UBE3B: variants seen among roughly 807,000 people sequenced by gnomAD.
UBE3B encodes ubiquitin-protein ligase E3B.
Under a neutral mutation model 132.3 loss-of-function variants are expected in UBE3B, and 80 were observed. The observed-to-expected ratio is 0.60, with a 90% CI of 0.50 to 0.73. The LOEUF (loss-of-function observed/expected upper bound fraction) is 0.73. Ranked by LOEUF, UBE3B falls within the 30% of genes least tolerant of loss-of-function variation. UBE3B has a pLI of 0.00. For synonymous variants in UBE3B, 487 were observed against 520.4 expected (o/e 0.94, Z 0.87); for missense variants, 1,196 against 1,362.5 (o/e 0.88, Z 1.92).
rs778589223 is a variant in UBE3B at position 109,534,688 on chromosome 12, A to G, written c.3113A>G (p.Asn1038Ser). The G allele has an allele frequency of 7.5e-6, 12 of 1,609,962 alleles. No individual in the cohort carries two copies. Among genetic ancestry groups the G allele is most frequent in the Middle Eastern group, 1.7e-4 (1 of 6,054 alleles). ...GRLPTSSTCF[N>S]LLKLPNYSKK... ...CTGCCCACCTCCTCCACCTGCTTCA[A>G]CCTGCTCAAGCTGCCCAACTACAGC... is the stretch of plus-strand genomic sequence containing the variant. Residue 1038 changes from asparagine (N) to serine (S), a missense_variant, in exon 28 of 28, where the codon AAC becomes AGC. Coordinates refer to ENST00000342494, the MANE Select transcript of UBE3B (RefSeq NM_130466.4). This position sits in a 1 kb window ranked among gnomAD's most constrained non-coding sequence, Gnocchi z 5.2.
chr12:109,503,312 T>C, intron 14 of UBE3B, 122 bp downstream of exon 14: 1 of 1,304,508 alleles, frequency 7.7e-7, no homozygotes, highest in Non-Finnish European at 1.0e-6. Flanking sequence ...GGAGGGCATT[T>C]TTGAGCTGTT....
At chr12:109,512,611 T>C (rs1812229610) in intron 18 of UBE3B, among the ~76,000 whole-genome samples, 2 of 152,214 alleles carry the variant, frequency 1.3e-5, no homozygotes, top group Non-Finnish European at 2.9e-5. Context: ...AGACATATTT[T>C]TAGAAAAGAG....
chr12:109,509,095 A>G (rs1390333132), intron 15 of UBE3B: 3 of 152,224 alleles, frequency 2.0e-5, no homozygotes, highest in Admixed American at 2.0e-4. Context: ...TTTCAAATTA[A>G]TAGAAAGTAG....
chr12:109,509,506 C>T (rs1250554419), intron 15 of UBE3B, 90 bp from the exon 16 acceptor site: 4 of 740,066 alleles, frequency 5.4e-6, no homozygotes, highest in Non-Finnish European at 9.0e-6. Flanking sequence ...TATTTCTCAA[C>T]CTCGTTTATT....
chr12:109,490,636 A>C, intron 8 of UBE3B: 1 of 1,527,944 alleles, frequency 6.5e-7, no homozygotes, highest in Non-Finnish European at 8.7e-7. Flanking sequence ...GGCTTCTAAA[A>C]TAATATGATG....
In UBE3B at chr12:109,533,483, C is replaced by T. The variant is rs1883159641; in HGVS notation, c.2940C>T (p.Ser980=). 2.5e-6 allele frequency: 4 copies of T among 1,614,066 alleles called. No homozygotes were observed. Among genetic ancestry groups the T allele is most frequent in the Non-Finnish European group, 3.4e-6 (4 of 1,180,038 alleles). The part of the protein sequence containing the change: ...AMFLKFVTSC[S]RPPLLGFAYL... ...TGTTGCAGTTCGTGACCAGCTGCTCCAGACCCCCGCTCCTGGGATTCGCCT... is the reference window on the plus strand; with the variant it reads ...TGTTGCAGTTCGTGACCAGCTGCTCTAGACCCCCGCTCCTGGGATTCGCCT... Residue 980 remains serine (S), a synonymous_variant, in exon 27 of 28, where the codon TCC becomes TCT. Coordinates refer to ENST00000342494, the MANE Select transcript of UBE3B (RefSeq NM_130466.4).
intron 5 of UBE3B, 95 bp downstream of exon 5, chr12:109,486,166 A>G (rs754612044): frequency 3.9e-6 from 5 of 1,284,632 alleles, no homozygotes; most frequent in Non-Finnish European, 5.4e-6. Context: ...ACCAATTCAC[A>G]CACAAATGCA....
chr12:109,541,799 C>T, the UBE3B span, among the ~76,000 whole-genome samples: 2 of 152,198 alleles, frequency 1.3e-5, no homozygotes, highest in South Asian at 2.1e-4. Context: ...GTGGCCCCTG[C>T]GTGCTTGGCT....
intron 23 of UBE3B, among the ~76,000 whole-genome samples, chr12:109,525,521 C>G (rs982791757): frequency 2.0e-5 from 3 of 152,200 alleles, no homozygotes; most frequent in African/African-American, 7.2e-5. Flanking sequence ...GGACTGGGAT[C>G]AGTGTGTTCC....
rs1877142690 is a variant in UBE3B, at chr12:109,489,910, T to C, written c.545-9T>C. On this transcript the variant is annotated splice_polypyrimidine_tract_variant and intron_variant, in intron 7 of 27. Transcript: ENST00000342494. ...AGACTTTTTTGTTCTCACTGTTTTCTTTCTTTAGGTGAAAGTCTTCGACCA... is the reference window on the plus strand; with the variant it reads ...AGACTTTTTTGTTCTCACTGTTTTCCTTCTTTAGGTGAAAGTCTTCGACCA... The C allele has an allele frequency of 1.2e-6, 2 of 1,613,920 alleles. No individual in the cohort carries two copies. Among genetic ancestry groups the C allele is most frequent in the South Asian group, 2.2e-5 (2 of 91,072 alleles).
chr12:109,500,071 T>C (rs1415401327), intron 12 of UBE3B, among the ~76,000 whole-genome samples: 3 of 152,216 alleles, frequency 2.0e-5, no homozygotes, highest in Non-Finnish European at 4.4e-5. Flanking sequence ...ATTGAAATCC[T>C]ATTATTTTGT....
intron 4 of UBE3B, among the ~76,000 whole-genome samples, chr12:109,485,290 C>T (rs1472345198): frequency 6.6e-6 from 1 of 152,226 alleles, no homozygotes; most frequent in African/African-American, 2.4e-5. Flanking sequence ...TGCCAACCCT[C>T]TCTAGGCACT....
At chr12:109,533,957 G>A (rs375121190) in intron 27 of UBE3B, 22 of 1,306,756 alleles carry the variant, frequency 1.7e-5, no homozygotes, top group Non-Finnish European at 1.9e-5. Flanking sequence ...GGCTGTGCAC[G>A]TCCAGGCTCG....
chr12:109,486,580 C>CAAAAAAAAAAAA lies in UBE3B; in HGVS notation c.447+17_447+28dup, dbSNP rs201336062. 1.2e-4 allele frequency: 67 copies of CAAAAAAAAAAAA among 562,718 alleles called. No individual in the cohort carries two copies. Among genetic ancestry groups the CAAAAAAAAAAAA allele is most frequent in the East Asian group, 3.8e-4 (8 of 20,880 alleles). The allele number at this position is 562,718 out of a possible 1,614,324, so 34.9% of individuals were successfully genotyped here. On this transcript the variant is annotated splice_donor_region_variant and intron_variant, in intron 6 of 27. Coordinates refer to ENST00000342494, the MANE Select transcript of UBE3B (RefSeq NM_130466.4). The stretch of plus-strand genomic sequence containing the variant: ...GATTTTCTCAAGCAGCTCAAGGTAA[C>CAAAAAAAAAAAA]AAAAAAAAAAAAAAAAAAAAAAAGC...
At chr12:109,507,454 T>G in intron 14 of UBE3B, 110 bp from the exon 15 acceptor site, 1 of 1,215,406 alleles carries the variant, frequency 8.2e-7, no homozygotes, top group Non-Finnish European at 1.2e-6. Flanking sequence ...TTCACGCACA[T>G]TAAATGTTCA....
At position 109,521,082 on chromosome 12, in the gene UBE3B, G is replaced by C. The variant is rs1038876334; in HGVS notation, c.2077-66G>C. 2 of 1,575,420 alleles carry C rather than the reference G, an allele frequency of 1.3e-6. No homozygotes were observed. The highest frequency in any genetic ancestry group is 2.7e-5 in the African/African-American group (2 of 74,076). On this transcript the variant is annotated intron_variant, in intron 19 of 27. Transcript: ENST00000342494. The surrounding 1 kb of genome is among the most constrained non-coding windows in gnomAD (Gnocchi z 4.2). Reference sequence around the variant, plus strand: ...CTGGGAGAGCTTCGCACAGAGGAGAGGGAACCCCGAATTGTGTGCATAAGG... The same window carrying C: ...CTGGGAGAGCTTCGCACAGAGGAGACGGAACCCCGAATTGTGTGCATAAGG...
At position 109,490,190 on chromosome 12, in the gene UBE3B, G is replaced by A. The variant is rs1877214531; in HGVS notation, c.630+186G>A. ...CTCACTTGTGGGTCAGGTAAAGGGA[G>A]GACAGTGGTGCTGGGATCCCTTGAA... is the stretch of plus-strand genomic sequence containing the variant. On this transcript the variant is annotated intron_variant, in intron 8 of 27. Coordinates refer to ENST00000342494, the MANE Select transcript of UBE3B (RefSeq NM_130466.4). 9.4e-6 allele frequency: 8 copies of A among 854,496 alleles called. No homozygotes were observed. The South Asian group carries it at 1.1e-4, about 12-fold the overall frequency. 52.9% of individuals were successfully genotyped at this position (854,496 alleles called of 1,614,324 possible).
chr12:109,545,467 C>T, the UBE3B span, among the ~76,000 whole-genome samples: 10 of 152,236 alleles, frequency 6.6e-5, no homozygotes, highest in Non-Finnish European at 1.2e-4. Context: ...CTGTGATCAG[C>T]GTCCCTGGCA....
chr12:109,514,952 C>T (rs1457102308), intron 18 of UBE3B, among the ~76,000 whole-genome samples: 8 of 150,750 alleles, frequency 5.3e-5, no homozygotes, highest in Non-Finnish European at 7.4e-5. Context: ...CTCGCTCTGT[C>T]GCCCAGGCTG....
Sources: allele counts gnomAD v4.1 joint callset (sites outside exome capture counted in the v4.1 genomes callset), GRCh38; gene constraint gnomAD v4.1.1; non-coding constraint Gnocchi (gnomAD v3.1); transcripts MANE v1.5; gene names NCBI Gene and HGNC (gene_info 2026-07-23, HGNC 2026-07-21).